Variants in KCNQ1 observed in about 807,000 individuals in gnomAD.
KCNQ1 encodes the protein potassium voltage-gated channel subfamily KQT member 1.
Under a neutral mutation model 72.4 loss-of-function variants are expected in KCNQ1, and 49 were observed. That is an observed-to-expected ratio of 0.68 (90% confidence interval 0.54 to 0.86). The LOEUF (loss-of-function observed/expected upper bound fraction) is 0.86, where lower values mean the gene tolerates loss of function less well. Ranked by LOEUF, KCNQ1 falls within the 40% of genes least tolerant of loss-of-function variation. The probability of loss-of-function intolerance (pLI) is 0.00; values close to 1 mark genes in which losing one functional copy is unlikely to be tolerated. For synonymous variants in KCNQ1, 450 were observed against 412.6 expected, an observed-to-expected ratio of 1.09 and a Z score of -1.10; for missense variants, 790 against 945.1, an observed-to-expected ratio of 0.84 and a Z score of 2.15.
chr11:2,714,974 G>C (rs917424975), intron 11 of KCNQ1, among the ~76,000 whole-genome samples: 1 of 152,124 alleles, frequency 6.6e-6, no homozygotes, highest in Non-Finnish European at 1.5e-5. Flanking sequence ...TGCAGGAGGG[G>C]CCTAGCCAGG....
chr11:2,650,810 G>A, intron 10 of KCNQ1: 1 of 398,570 alleles, frequency 2.5e-6, no homozygotes, highest in Non-Finnish European at 4.4e-6. Flanking sequence ...TGGGTCATGT[G>A]GTTTTATTTG....
In KCNQ1 at chr11:2,537,796, G is replaced by A. The variant is rs1414830537; in HGVS notation, c.477+9778G>A. ...AGTAGTGGCATACTCACGGCTCACT[G>A]CAGCCTCGGCCTCCTGGCCTCAAGT... On this transcript the variant is annotated intron_variant, in intron 2 of 15. Transcript: ENST00000155840. The surrounding 1 kb of genome is among the most constrained non-coding windows in gnomAD (Gnocchi z 5.2). 2.0e-5 allele frequency among the ~76,000 whole-genome samples: 3 copies of A among 152,144 alleles called. No individual in the cohort carries two copies. Among genetic ancestry groups the A allele is most frequent in the Non-Finnish European group, 4.4e-5 (3 of 68,030 alleles).
intron 10 of KCNQ1, chr11:2,618,831 T>C (rs1849115927): frequency 5.0e-6 from 2 of 398,246 alleles, no homozygotes; most frequent in Non-Finnish European, 8.9e-6. Flanking sequence ...TCTTTCCATT[T>C]ATTTGTATCT....
intron 11 of KCNQ1, chr11:2,693,102 T>A: frequency 2.5e-6 from 1 of 398,500 alleles, no homozygotes; most frequent in East Asian, 3.6e-5. Flanking sequence ...TCTTTAAGAG[T>A]CATTTGCCCC....
At chr11:2,844,052 G>A (rs777303297) in intron 15 of KCNQ1, among the ~76,000 whole-genome samples, 9 of 152,210 alleles carry the variant, frequency 5.9e-5, no homozygotes, top group Non-Finnish European at 8.8e-5. Context: ...ATGCACCTCC[G>A]CATGGGTGGG....
At chr11:2,459,395 C>A (rs1846241834) in intron 1 of KCNQ1, among the ~76,000 whole-genome samples, 1 of 152,174 alleles carries the variant, frequency 6.6e-6, no homozygotes, top group Admixed American at 6.5e-5. Context: ...TAGAGGACAA[C>A]CCCATGTAGT....
At chr11:2,591,151 A>G (rs1485556311) in intron 10 of KCNQ1, among the ~76,000 whole-genome samples, 2 of 152,280 alleles carry the variant, frequency 1.3e-5, no homozygotes, top group East Asian at 3.9e-4. Flanking sequence ...GGACAAACCC[A>G]CAGTGTTCGC....
chr11:2,839,220 G>C (rs1848151496), intron 15 of KCNQ1, among the ~76,000 whole-genome samples: 1 of 152,192 alleles, frequency 6.6e-6, no homozygotes, highest in African/African-American at 2.4e-5. Flanking sequence ...GCCTCTGGGT[G>C]CACCTGGGCC....
chr11:2,650,393 A>T (rs1032503615), intron 10 of KCNQ1: 2 of 398,388 alleles, frequency 5.0e-6, no homozygotes, highest in Non-Finnish European at 4.4e-6. Context: ...TTCCAATTTT[A>T]TGGAGTAGCC....
At chr11:2,708,298 G>C (rs1027196005) in intron 11 of KCNQ1, among the ~76,000 whole-genome samples, 1 of 152,194 alleles carries the variant, frequency 6.6e-6, no homozygotes, top group Non-Finnish European at 1.5e-5. Context: ...TGGTGTCTGC[G>C]GCCCGGGCCG....
At chr11:2,514,153 C>T (rs1046600619) in intron 1 of KCNQ1, among the ~76,000 whole-genome samples, 7 of 152,228 alleles carry the variant, frequency 4.6e-5, no homozygotes, top group Admixed American at 3.9e-4. Context: ...CTGCCATTAT[C>T]GTACCTTACC....
At chr11:2,568,045 G>T (rs1589955015) in intron 2 of KCNQ1, among the ~76,000 whole-genome samples, 1 of 152,294 alleles carries the variant, frequency 6.6e-6, no homozygotes, top group East Asian at 1.9e-4. Flanking sequence ...GAAGCAGGCA[G>T]ATCACCTAAG....
At chr11:2,569,718 C>T (rs1447985012) in intron 2 of KCNQ1, among the ~76,000 whole-genome samples, 2 of 152,236 alleles carry the variant, frequency 1.3e-5, no homozygotes, top group Non-Finnish European at 1.5e-5. Flanking sequence ...GTGGCCGCTG[C>T]ACTTTAAGTG....
intron 1 of KCNQ1, among the ~76,000 whole-genome samples, chr11:2,517,841 G>T (rs1461207335): frequency 6.6e-6 from 1 of 152,234 alleles, no homozygotes; most frequent in Admixed American, 6.5e-5. Flanking sequence ...CTGTCAACCT[G>T]TGCTGTTGGC....
At chr11:2,632,935 G>C (rs573151275) in intron 10 of KCNQ1, 2 of 398,392 alleles carry the variant, frequency 5.0e-6, no homozygotes, top group Non-Finnish European at 8.9e-6. Flanking sequence ...GTCAATACCC[G>C]GTAGTGGATT....
In KCNQ1 at chr11:2,748,548, G is replaced by T. The variant is rs1229130600; in HGVS notation, c.1515-20296G>T. Among the ~76,000 whole-genome samples, 1 of 152,306 alleles carries T rather than the reference G, an allele frequency of 6.6e-6. No individual in the cohort carries two copies. Among genetic ancestry groups the T allele is most frequent in the East Asian group, 1.9e-4 (1 of 5,180 alleles). The stretch of plus-strand genomic sequence containing the variant: ...CGTCCACGTGGAGGTGTGGGGCCCG[G>T]GTGGGACAAGCCTGGCAACCAGGAC... On this transcript the variant is annotated intron_variant, in intron 11 of 15. Transcript: ENST00000155840. The surrounding 1 kb of genome is among the most constrained non-coding windows in gnomAD (Gnocchi z 6.2).
chr11:2,591,414 C>A (rs555190262), intron 10 of KCNQ1, among the ~76,000 whole-genome samples: 1 of 152,348 alleles, frequency 6.6e-6, no homozygotes, highest in East Asian at 1.9e-4. Context: ...AGTGAGCCCC[C>A]GGGACGTGCT....
At position 2,762,700 on chromosome 11, in the gene KCNQ1, C is replaced by G. The variant is rs960697410; in HGVS notation, c.1515-6144C>G. On this transcript the variant is annotated intron_variant, in intron 11 of 15. Transcript: ENST00000155840. This position sits in a 1 kb window ranked among gnomAD's most constrained non-coding sequence, Gnocchi z 4.3. ...ATTAGATTCTCGCAGGAGCGCGAACCCTGTTGTGAATGCACATGTGAGGGG... is the reference window on the plus strand; with the variant it reads ...ATTAGATTCTCGCAGGAGCGCGAACGCTGTTGTGAATGCACATGTGAGGGG... 6.6e-6 allele frequency among the ~76,000 whole-genome samples: 1 copy of G among 152,192 alleles called. No individual in the cohort carries two copies. Among genetic ancestry groups the G allele is most frequent in the South Asian group, 2.1e-4 (1 of 4,832 alleles).
chr11:2,681,054 T>C (rs1474819281), intron 11 of KCNQ1: 10 of 398,462 alleles, frequency 2.5e-5, no homozygotes, highest in Non-Finnish European at 4.0e-5. Flanking sequence ...AAATGTGGGC[T>C]CCAAAAAGAG....
Sources: gnomAD v4.1 joint callset for allele counts (sites outside exome capture counted in the v4.1 genomes callset) on GRCh38, gnomAD v4.1.1 for gene constraint, Gnocchi (gnomAD v3.1) non-coding constraint, MANE v1.5 for transcripts, NCBI Gene and HGNC (gene_info 2026-07-23, HGNC 2026-07-21) for gene names.